The following INPP4B variants were observed in gnomAD, a reference collection of about 807,000 sequenced individuals.
INPP4B encodes the protein inositol polyphosphate-4-phosphatase type II B, also known as inositol polyphosphate 4-phosphatase type II.
Under a neutral mutation model 122.5 loss-of-function variants are expected in INPP4B, and 55 were observed. The observed-to-expected ratio is 0.45, with a 90% CI of 0.36 to 0.56. INPP4B has a LOEUF of 0.56. Among genes scored for constraint, INPP4B ranks in the 20% least tolerant of loss-of-function variants. The pLI is 0.00. For missense variants in INPP4B, 1,000 were observed against 1,097.7 expected, an observed-to-expected ratio of 0.91 and a Z score of 1.26; for synonymous variants, 403 against 388.7, an observed-to-expected ratio of 1.04 and a Z score of -0.43.
intron 2 of INPP4B, among the ~76,000 whole-genome samples, chr4:142,626,086 G>A (rs928485202): frequency 3.9e-5 from 6 of 152,258 alleles, no homozygotes; most frequent in African/African-American, 1.4e-4. Context: ...AGGACTTCAT[G>A]TCTGAAACAC....
chr4:142,527,467 C>A (rs115814716), intron 2 of INPP4B, among the ~76,000 whole-genome samples: 2 of 151,918 alleles, frequency 1.3e-5, no homozygotes, highest in African/African-American at 4.8e-5. Flanking sequence ...AACTGTTCTT[C>A]GATATGTTTG....
intron 1 of INPP4B, among the ~76,000 whole-genome samples, chr4:142,794,981 C>T (rs554716918): frequency 6.6e-6 from 1 of 151,554 alleles, no homozygotes; most frequent in South Asian, 2.1e-4. Context: ...TGCATAGGAG[C>T]ATGCACAAGA....
At chr4:142,061,933 T>C (rs1409693507) in intron 25 of INPP4B, among the ~76,000 whole-genome samples, 1 of 76,880 alleles carries the variant, frequency 1.3e-5, no homozygotes, top group African/African-American at 4.7e-5. Context: ...TATATATATA[T>C]ATATATATCT....
At chr4:142,226,626 C>A (rs755826150) in intron 12 of INPP4B, among the ~76,000 whole-genome samples, 2 of 152,044 alleles carry the variant, frequency 1.3e-5, no homozygotes, top group East Asian at 1.9e-4. Context: ...AGATTTTGTG[C>A]GCCTGCAACA....
At chr4:142,257,064 T>A (rs1422999441) in intron 11 of INPP4B, among the ~76,000 whole-genome samples, 8 of 152,158 alleles carry the variant, frequency 5.3e-5, no homozygotes, top group African/African-American at 1.7e-4. Flanking sequence ...CGCAAATCAA[T>A]AAATGTAATC....
At chr4:142,502,482 G>A (rs1299027846) in intron 2 of INPP4B, among the ~76,000 whole-genome samples, 2 of 151,826 alleles carry the variant, frequency 1.3e-5, no homozygotes, top group African/African-American at 4.8e-5. Flanking sequence ...ATTTACCTCT[G>A]CCTTTATTAT....
intron 3 of INPP4B, among the ~76,000 whole-genome samples, chr4:142,444,120 T>C (rs1812406358): frequency 6.6e-6 from 1 of 151,890 alleles, no homozygotes; most frequent in South Asian, 2.1e-4. Context: ...AAATAAAACA[T>C]AATAACAGAG....
chr4:142,335,490 T>C (rs1304013254), intron 7 of INPP4B, among the ~76,000 whole-genome samples: 1 of 152,220 alleles, frequency 6.6e-6, no homozygotes, highest in Non-Finnish European at 1.5e-5. Context: ...ATGTATACCT[T>C]AAGGATGTCT....
chr4:142,478,401 T>C (rs1025118183), intron 2 of INPP4B, among the ~76,000 whole-genome samples: 10 of 152,164 alleles, frequency 6.6e-5, no homozygotes, highest in Non-Finnish European at 4.4e-5. Context: ...TGGCTGTGAG[T>C]TTGTCATAAA....
At chr4:142,150,071 A>T (rs1812983099) in intron 17 of INPP4B, among the ~76,000 whole-genome samples, 1 of 152,212 alleles carries the variant, frequency 6.6e-6, no homozygotes, top group South Asian at 2.1e-4. Context: ...GAAAACATAC[A>T]CAGAGGAAAG....
At chr4:142,765,542 T>C (rs2150984550) in intron 1 of INPP4B, among the ~76,000 whole-genome samples, 1 of 152,278 alleles carries the variant, frequency 6.6e-6, no homozygotes, top group East Asian at 1.9e-4. Context: ...AAAATAGATG[T>C]ATTTCCCCAC....
At chr4:142,252,971 C>T (rs1450914163) in intron 11 of INPP4B, among the ~76,000 whole-genome samples, 2 of 152,166 alleles carry the variant, frequency 1.3e-5, no homozygotes, top group Non-Finnish European at 2.9e-5. Flanking sequence ...ATGGTAGAGC[C>T]TACTACACAC....
chr4:142,822,594 T>C (rs1179896591), intron 1 of INPP4B, among the ~76,000 whole-genome samples: 2 of 151,964 alleles, frequency 1.3e-5, no homozygotes, highest in African/African-American at 2.4e-5. Context: ...GAGGTGGAAC[T>C]GTTTCATCCT....
intron 1 of INPP4B, among the ~76,000 whole-genome samples, chr4:142,762,049 T>G (rs1299701992): frequency 2.0e-5 from 3 of 151,762 alleles, no homozygotes; most frequent in Non-Finnish European, 4.4e-5. Flanking sequence ...GGCTTGGAGT[T>G]GACTGACCTT....
At chr4:142,037,567 C>G (rs927201060) in intron 25 of INPP4B, among the ~76,000 whole-genome samples, 4 of 152,184 alleles carry the variant, frequency 2.6e-5, no homozygotes, top group Non-Finnish European at 5.9e-5. Context: ...CTTCTGACCA[C>G]CAACCTGATT....
At chr4:142,745,426 C>T (rs925024079) in intron 1 of INPP4B, among the ~76,000 whole-genome samples, 2 of 151,726 alleles carry the variant, frequency 1.3e-5, no homozygotes, top group African/African-American at 4.8e-5. Context: ...CTACTTGTTT[C>T]GTAAATATTT....
intron 14 of INPP4B, among the ~76,000 whole-genome samples, chr4:142,197,863 T>C (rs1484654820): frequency 2.0e-5 from 3 of 152,178 alleles, no homozygotes; most frequent in African/African-American, 7.2e-5. Flanking sequence ...TCTAGTCTTA[T>C]GCTGGTAAGT....
intron 12 of INPP4B, among the ~76,000 whole-genome samples, chr4:142,214,520 T>C (rs1356734342): frequency 1.3e-5 from 2 of 152,178 alleles, no homozygotes; most frequent in Admixed American, 6.5e-5. Context: ...GTCTTAATGA[T>C]AGGTGAATCA....
At chr4:142,073,599 G>A (rs1768810807) in intron 25 of INPP4B, among the ~76,000 whole-genome samples, 1 of 152,060 alleles carries the variant, frequency 6.6e-6, no homozygotes, top group African/African-American at 2.4e-5. Context: ...ATAATTCACT[G>A]AATTAATGGT....
Sources: allele counts gnomAD v4.1 joint callset (sites outside exome capture counted in the v4.1 genomes callset), GRCh38; gene constraint gnomAD v4.1.1; transcripts MANE v1.5; gene names NCBI Gene and HGNC (gene_info 2026-07-23, HGNC 2026-07-21).